Variants in GPC3 observed in about 807,000 individuals in gnomAD.
GPC3 encodes glypican 3.
A neutral mutation model predicts 34.4 loss-of-function variants in GPC3; 3 were observed. That is an observed-to-expected ratio of 0.09 (90% CI 0.04 to 0.23). The LOEUF (loss-of-function observed/expected upper bound fraction) is 0.23. GPC3 is among the 10% of genes least tolerant of loss of function. GPC3 has a pLI of 1.00. For synonymous variants in GPC3, 177 were observed against 174.0 expected (o/e 1.02, Z -0.13); for missense variants, 351 against 445.6 (o/e 0.79, Z 1.91).
At chrX:133,563,374 T>G (rs1169638936) in intron 7 of GPC3, among the ~76,000 whole-genome samples, 3 of 111,670 alleles carry the variant, frequency 2.7e-5, no homozygotes, top group African/African-American at 9.8e-5. Context: ...AGAGCTGTTT[T>G]GTTGAATTCA....
At chrX:133,854,447 A>G (rs1376196246) in intron 2 of GPC3, among the ~76,000 whole-genome samples, 2 of 111,866 alleles carry the variant, frequency 1.8e-5, no homozygotes, top group African/African-American at 6.5e-5. Context: ...GTTATGGGGG[A>G]TGCAGAAATG....
At chrX:133,747,784 T>C (rs1391638609) in intron 3 of GPC3, among the ~76,000 whole-genome samples, 1 of 112,097 alleles carries the variant, frequency 8.9e-6, no homozygotes, top group Non-Finnish European at 1.9e-5. Flanking sequence ...GCTCAATAAA[T>C]GCTTCCTGCA....
chrX:133,626,808 T>C (rs1569399811), intron 6 of GPC3, among the ~76,000 whole-genome samples: 1 of 107,077 alleles, frequency 9.3e-6, no homozygotes, highest in Non-Finnish European at 1.9e-5. Flanking sequence ...AGCCATCCCA[T>C]TACTGGGTAT....
intron 7 of GPC3, among the ~76,000 whole-genome samples, chrX:133,589,007 G>A (rs1479793903): frequency 5.4e-5 from 6 of 111,453 alleles, no homozygotes; most frequent in Non-Finnish European, 1.1e-4. Context: ...TTCCCCCATA[G>A]CACTTGGAGA....
chrX:133,648,187 G>A (rs1187178272), intron 6 of GPC3, among the ~76,000 whole-genome samples: 8 of 111,853 alleles, frequency 7.2e-5, no homozygotes, highest in Admixed American at 5.7e-4. Context: ...CGCAGCCCAC[G>A]GGCTGCATAC....
chrX:133,603,791 A>G (rs2070015213), intron 6 of GPC3, among the ~76,000 whole-genome samples: 1 of 111,821 alleles, frequency 8.9e-6, no homozygotes. Flanking sequence ...CAGCAATTTC[A>G]TATTTTTAAA....
intron 2 of GPC3, among the ~76,000 whole-genome samples, chrX:133,940,531 A>G (rs1402612316): frequency 3.6e-5 from 4 of 111,513 alleles, no homozygotes; most frequent in Non-Finnish European, 5.7e-5. Context: ...AGATTACTCA[A>G]GTCTAGCACA....
intron 2 of GPC3, among the ~76,000 whole-genome samples, chrX:133,906,014 T>C (rs2076166204): frequency 8.9e-6 from 1 of 111,951 alleles, no homozygotes; most frequent in African/African-American, 3.2e-5. Flanking sequence ...ACCAGGGACA[T>C]GCAACGTGAA....
At chrX:133,567,328 GCAA>G (rs2069591380) in intron 7 of GPC3, among the ~76,000 whole-genome samples, 2 of 112,166 alleles carry the variant, frequency 1.8e-5, no homozygotes, top group Admixed American at 9.4e-5. Context: ...TAAGAAAACA[GCAA>G]CAACAACACA....
intron 3 of GPC3, among the ~76,000 whole-genome samples, chrX:133,744,239 G>T (rs1344458258): frequency 8.9e-6 from 1 of 111,815 alleles, no homozygotes; most frequent in African/African-American, 3.3e-5. Flanking sequence ...CTACAGAATG[G>T]GAGAAATTTT....
chrX:133,961,177 C>T (rs774849147), intron 1 of GPC3, among the ~76,000 whole-genome samples: 1 of 111,415 alleles, frequency 9.0e-6, no homozygotes, highest in African/African-American at 3.3e-5. Context: ...GGTTACCCTT[C>T]TGTTATTTAG....
chrX:133,971,553 G>C (rs1419070886), intron 1 of GPC3, among the ~76,000 whole-genome samples: 1 of 111,149 alleles, frequency 9.0e-6, no homozygotes, highest in African/African-American at 3.3e-5. Flanking sequence ...AAATGCAGAG[G>C]AAAATATAAA....
intron 2 of GPC3, among the ~76,000 whole-genome samples, chrX:133,944,594 A>C (rs1342142141): frequency 8.9e-6 from 1 of 111,944 alleles, no homozygotes; most frequent in Non-Finnish European, 1.9e-5. Context: ...AAAACACACA[A>C]AAATGTTACA....
intron 7 of GPC3, among the ~76,000 whole-genome samples, chrX:133,537,486 C>T (rs1189255602): frequency 3.6e-5 from 4 of 111,381 alleles, no homozygotes; most frequent in African/African-American, 1.3e-4. Flanking sequence ...CGTGGGGACT[C>T]AGCTGGTCCA....
At chrX:133,581,488 A>T (rs762358384) in intron 7 of GPC3, among the ~76,000 whole-genome samples, 5 of 112,418 alleles carry the variant, frequency 4.4e-5, no homozygotes, top group Non-Finnish European at 9.4e-5. Flanking sequence ...ACTGGCTCTC[A>T]AAAAAAGGAA....
At chrX:133,630,089 G>GAAAAGA (rs982562146) in intron 6 of GPC3, among the ~76,000 whole-genome samples, 17 of 111,372 alleles carry the variant, frequency 1.5e-4, no homozygotes, top group South Asian at 7.7e-4. Context: ...AAAGGAAAAG[G>GAAAAGA]AAAAGAAAAA....
chrX:133,721,353 A>T (rs1456219283), intron 3 of GPC3, among the ~76,000 whole-genome samples: 2 of 103,313 alleles, frequency 1.9e-5, no homozygotes, highest in African/African-American at 3.4e-5. Context: ...TCACAGAAAT[A>T]AAAAAAAAAA....
intron 7 of GPC3, among the ~76,000 whole-genome samples, chrX:133,580,694 G>A (rs966626998): frequency 3.6e-5 from 4 of 112,125 alleles, no homozygotes; most frequent in Non-Finnish European, 5.6e-5. Context: ...TCACAGACAG[G>A]TTCTGACATC....
chrX:133,693,156 AGTGTGTGTGTGTGTGT>A (rs57735935), intron 4 of GPC3, among the ~76,000 whole-genome samples: 238 of 89,400 alleles, frequency 2.7e-3, no homozygotes, highest in African/African-American at 8.2e-3. Flanking sequence ...TAATAAGACA[AGTGTGTGTGTGTGTGT>A]GTGTGTGTGT....
Sources: gnomAD v4.1 joint callset for allele counts (sites outside exome capture counted in the v4.1 genomes callset) on GRCh38, gnomAD v4.1.1 for gene constraint, MANE v1.5 for transcripts, NCBI Gene and HGNC (gene_info 2026-07-23, HGNC 2026-07-21) for gene names.